ERC2: variants seen among roughly 807,000 people sequenced by gnomAD.
ERC2 encodes the protein ELKS/RAB6-interacting/CAST family member 2.
A neutral mutation model predicts 114.8 loss-of-function variants in ERC2; 42 were observed. The observed-to-expected ratio is 0.37, with a 90% CI of 0.29 to 0.47. The LOEUF is 0.47. ERC2 is among the 20% of genes least tolerant of loss of function. ERC2 has a pLI of 0.99. For missense variants in ERC2, 939 were observed against 1,150.7 expected (o/e 0.82, Z 2.66); for synonymous variants, 454 against 425.5 (o/e 1.07, Z -0.82).
At chr3:55,647,888 G>T (rs1203515269) in intron 17 of ERC2, among the ~76,000 whole-genome samples, 1 of 152,220 alleles carries the variant, frequency 6.6e-6, no homozygotes, top group East Asian at 1.9e-4. Context: ...TGCTGCAGCC[G>T]CCTCGCCCTG....
At chr3:56,127,277 T>C (rs1346574255) in intron 6 of ERC2, among the ~76,000 whole-genome samples, 1 of 152,168 alleles carries the variant, frequency 6.6e-6, no homozygotes, top group African/African-American at 2.4e-5. Context: ...ATGCAATCCC[T>C]ATTAAAATAT....
intron 6 of ERC2, among the ~76,000 whole-genome samples, chr3:56,103,726 AC>A (rs1475290726): frequency 6.6e-6 from 1 of 151,320 alleles, no homozygotes; most frequent in African/African-American, 2.4e-5. Context: ...AAATAATTTA[AC>A]AAAAAAACTA....
chr3:56,250,585 G>A (rs1369480319), intron 3 of ERC2, among the ~76,000 whole-genome samples: 1 of 152,122 alleles, frequency 6.6e-6, no homozygotes, highest in African/African-American at 2.4e-5. Flanking sequence ...TTGTTCCAGA[G>A]TTTGGCTTCT....
At chr3:56,078,885 T>C (rs2077098815) in intron 7 of ERC2, among the ~76,000 whole-genome samples, 1 of 149,802 alleles carries the variant, frequency 6.7e-6, no homozygotes, top group Non-Finnish European at 1.5e-5. Context: ...TAAAAATACA[T>C]ATACACACAA....
At chr3:56,009,868 T>G (rs1229351427) in intron 9 of ERC2, among the ~76,000 whole-genome samples, 1 of 152,198 alleles carries the variant, frequency 6.6e-6, no homozygotes, top group Non-Finnish European at 1.5e-5. Flanking sequence ...GGCATTTATA[T>G]TCTGTATTCA....
intron 3 of ERC2, among the ~76,000 whole-genome samples, chr3:56,222,750 T>C (rs550446359): frequency 2.5e-4 from 38 of 152,342 alleles, no homozygotes; most frequent in African/African-American, 8.2e-4. Context: ...ACAAATGCTA[T>C]ACAACCGCTA....
Position 55,861,840 on chromosome 3 carries a change from T to C in ERC2, c.2564+26549A>G, listed in dbSNP as rs564714037. The stretch of plus-strand genomic sequence containing the variant: ...TAGCCTCTCTGGGCCTCAGTTTCCT[T>C]CCCTGTAACTTGGGGAGAATATTCT... On this transcript the variant is annotated intron_variant, in intron 14 of 17. Transcript: ENST00000288221. 2.0e-5 allele frequency among the ~76,000 whole-genome samples: 3 copies of C among 152,326 alleles called. No individual in the cohort carries two copies. The Middle Eastern group carries it at 0.01, about 518-fold the overall frequency.
intron 2 of ERC2, among the ~76,000 whole-genome samples, chr3:56,377,646 TG>T (rs2059593741): frequency 6.6e-6 from 1 of 152,134 alleles, no homozygotes; most frequent in African/African-American, 2.4e-5. Context: ...AGATAACAAA[TG>T]GGAGATCATA....
intron 14 of ERC2, among the ~76,000 whole-genome samples, chr3:55,812,917 G>C (rs1181670691): frequency 6.6e-6 from 1 of 152,244 alleles, no homozygotes; most frequent in Non-Finnish European, 1.5e-5. Context: ...AGTATGGCAT[G>C]AATCAAGTAT....
intron 7 of ERC2, among the ~76,000 whole-genome samples, chr3:56,021,827 G>A (rs1452034886): frequency 6.6e-6 from 1 of 152,094 alleles, no homozygotes; most frequent in Non-Finnish European, 1.5e-5. Flanking sequence ...GTGGTATTTG[G>A]TTTTCCGTTT....
intron 11 of ERC2, among the ~76,000 whole-genome samples, chr3:55,989,186 G>C (rs1038249445): frequency 6.6e-6 from 1 of 152,218 alleles, no homozygotes; most frequent in South Asian, 2.1e-4. Flanking sequence ...GCTTTAAGGG[G>C]AGGCAAAGGC....
rs141278520 is a variant in ERC2 at position 56,156,776 on chromosome 3, C to T, written c.1150-7644G>A. Among the ~76,000 whole-genome samples the T allele has an allele frequency of 1.8e-3, 272 of 152,226 alleles. 4 individuals carry two copies. Among genetic ancestry groups the T allele is most frequent in the African/African-American group, 6.4e-3 (265 of 41,534 alleles). On this transcript the variant is annotated intron_variant, in intron 4 of 17. Transcript: ENST00000288221. ...TGTAACACACACTAAAGCAAAGGTT[C>T]CCTAATGCCAACCTGAACACTAACT...
At chr3:56,121,317 C>A (rs1192761720) in intron 6 of ERC2, among the ~76,000 whole-genome samples, 2 of 152,034 alleles carry the variant, frequency 1.3e-5, no homozygotes, top group Admixed American at 1.3e-4. Context: ...TGCATTAACT[C>A]GTATTGTCTT....
intron 3 of ERC2, among the ~76,000 whole-genome samples, chr3:56,188,409 G>T (rs1294245921): frequency 6.6e-6 from 1 of 152,112 alleles, no homozygotes; most frequent in Non-Finnish European, 1.5e-5. Context: ...AGCAAGGAAT[G>T]GCATATGAAT....
chr3:55,715,709 C>G (rs753118618), intron 15 of ERC2, among the ~76,000 whole-genome samples: 1 of 152,110 alleles, frequency 6.6e-6, no homozygotes, highest in African/African-American at 2.4e-5. Context: ...TATTTAGGAA[C>G]AGACATGATT....
At chr3:55,537,897 G>A (rs755415504) in intron 17 of ERC2, among the ~76,000 whole-genome samples, 43 of 152,328 alleles carry the variant, frequency 2.8e-4, no homozygotes, top group Middle Eastern at 3.4e-3. Flanking sequence ...TGAAGGCTGT[G>A]CCTATTACTC....
intron 2 of ERC2, among the ~76,000 whole-genome samples, chr3:56,385,803 G>T (rs1322013310): frequency 6.6e-6 from 1 of 152,118 alleles, no homozygotes; most frequent in Middle Eastern, 3.4e-3. Flanking sequence ...GCTCATTTGG[G>T]TCCCTTTAAG....
rs9819712 is a variant in ERC2, at chr3:55,769,633, G to T, written c.2565-34715C>A. 4.0e-3 allele frequency among the ~76,000 whole-genome samples: 607 copies of T among 152,154 alleles called. 8 individuals are homozygous for T. The highest frequency in any genetic ancestry group is 0.014 in the African/African-American group (576 of 41,512). On this transcript the variant is annotated intron_variant, in intron 14 of 17. Coordinates refer to ENST00000288221, the MANE Select transcript of ERC2 (RefSeq NM_015576.3). ...ATTTCTATCTTTTCAGATAAAAAAA[G>T]TTGAATATCAGCAATTTCATTGGGT...
chr3:56,429,975 C>T (rs2061723535), intron 2 of ERC2, among the ~76,000 whole-genome samples: 1 of 152,116 alleles, frequency 6.6e-6, no homozygotes, highest in Admixed American at 6.5e-5. Context: ...GAGCCCTCGA[C>T]AACGCTGCAT....
Sources: allele counts gnomAD v4.1 joint callset (sites outside exome capture counted in the v4.1 genomes callset), GRCh38; gene constraint gnomAD v4.1.1; transcripts MANE v1.5; gene names NCBI Gene and HGNC (gene_info 2026-07-23, HGNC 2026-07-21).